The following ODC1 variants were observed in gnomAD, a reference collection of about 807,000 sequenced individuals.
The protein encoded by ODC1 is ornithine decarboxylase.
ODC1 carries 18 observed loss-of-function variants against 41.5 expected under a neutral mutation model. That is an observed-to-expected ratio of 0.43 (90% confidence interval 0.30 to 0.64). The LOEUF (loss-of-function observed/expected upper bound fraction) is 0.64. Ranked by LOEUF, ODC1 falls within the 30% of genes least tolerant of loss-of-function variation. The probability of loss-of-function intolerance (pLI) is 0.11; values close to 1 mark genes in which losing one functional copy is unlikely to be tolerated. For missense variants in ODC1, 504 were observed against 589.0 expected, an observed-to-expected ratio of 0.86 and a Z score of 1.49; for synonymous variants, 218 against 211.6, an observed-to-expected ratio of 1.03 and a Z score of -0.26.
At position 10,443,291 on chromosome 2, in the gene ODC1, T is replaced by A; in HGVS notation, c.689A>T (p.Tyr230Phe). The change falls in exon 8 of 12, where the codon TAT becomes TTT. Residue 230 changes from tyrosine (Y) to phenylalanine (F), a missense_variant. Tyr to Phe is a conservative substitution (Grantham distance 22). Around this residue, in one of 3 missense-constraint regions of ODC1, gnomAD observed 447 missense variants for 524.4 expected, o/e 0.85. Coordinates refer to ENST00000234111, the MANE Select transcript of ODC1 (RefSeq NM_002539.3). ...DMGAEVGFSM[Y>F]LLDIGGGFPG... is the part of the protein sequence containing the mutation. ...AAAGCCACCGCCAATATCAAGCAGATACATGCTGAAACCAACCTCAGCCTA... is the reference window on the plus strand; with the variant it reads ...AAAGCCACCGCCAATATCAAGCAGAAACATGCTGAAACCAACCTCAGCCTA... 6.2e-7 allele frequency: 1 copy of A among 1,611,688 alleles called. No individual in the cohort carries two copies. The highest frequency in any genetic ancestry group is 8.5e-7 in the Non-Finnish European group (1 of 1,179,478).
chr2:10,442,071 G>C lies in ODC1; in HGVS notation c.854C>G (p.Thr285Arg), dbSNP rs753371717. The change falls in exon 9 of 12, where the codon ACG becomes AGG. Residue 285 changes from threonine to arginine, a missense_variant. By Grantham distance (71) the Thr-to-Arg change is moderately conservative. Coordinates refer to ENST00000234111, the MANE Select transcript of ODC1 (RefSeq NM_002539.3). ...PGRYYVASAF[T>R]LAVNIIAKKI... ...CTTGGCAATGATATTAACTGCAAGC[G>C]TGAAAGCTGATGCAACATAGTATCT... 2 of 1,613,958 alleles carry C rather than the reference G, an allele frequency of 1.2e-6. No individual in the cohort carries two copies. Among genetic ancestry groups the C allele is most frequent in the East Asian group, 2.2e-5 (1 of 44,898 alleles).
rs28362402 is a variant in ODC1, at chr2:10,443,583, TAA to T, written c.585-14_585-13del. 9,789 of 1,612,104 alleles carry T rather than the reference TAA, an allele frequency of 6.1e-3. 523 individuals carry two copies. In the African/African-American group the frequency reaches 0.11, roughly 18 times the overall value. On this transcript the variant is annotated splice_polypyrimidine_tract_variant and intron_variant, in intron 6 of 11. Coordinates refer to ENST00000234111, the MANE Select transcript of ODC1 (RefSeq NM_002539.3). ...TTCCTACATGGAAGCTGGGGTAAAATAAAGAGACGAGACACTGTGTCTTAGTA... is the reference window on the plus strand; with the variant it reads ...TTCCTACATGGAAGCTGGGGTAAAATAGAGACGAGACACTGTGTCTTAGTA...
At chr2:10,444,367 G>C in intron 4 of ODC1, 100 bp from the exon 5 acceptor site, 1 of 1,503,934 alleles carries the variant, frequency 6.6e-7, no homozygotes, top group Non-Finnish European at 8.9e-7. Flanking sequence ...CGCCCCATTT[G>C]CCTTTAGTGA....
At chr2:10,444,756 T>C in intron 3 of ODC1, 109 bp from the exon 4 acceptor site, 3 of 990,556 alleles carry the variant, frequency 3.0e-6, no homozygotes, top group Non-Finnish European at 4.6e-6. Flanking sequence ...CTCTTTTGAG[T>C]CTAGCCACTG....
Position 10,440,829 on chromosome 2 carries a change from G to A in ODC1, c.1281C>T (p.Pro427=), listed in dbSNP as rs370233699. The change falls in exon 12 of 12, where the codon CCC becomes CCT. Residue 427 remains proline (P), a synonymous_variant. Coordinates refer to ENST00000234111, the MANE Select transcript of ODC1 (RefSeq NM_002539.3). ...TGCTGGCATCCTGTTCCTCTACTTCGGGTGGGAAGTCGGGGTTCTGGAATT... is the reference window on the plus strand; with the variant it reads ...TGCTGGCATCCTGTTCCTCTACTTCAGGTGGGAAGTCGGGGTTCTGGAATT... The part of the protein sequence containing the change: ...MQQFQNPDFP[P]EVEEQDASTL... 237 of 1,613,960 alleles carry A rather than the reference G, an allele frequency of 1.5e-4. No homozygotes were observed. Among genetic ancestry groups the A allele is most frequent in the Admixed American group, 2.5e-4 (15 of 60,000 alleles).
rs767199548 is a variant in ODC1, at chr2:10,442,052, A to G, written c.873T>C (p.Ile291=). The G allele has an allele frequency of 5.0e-6, 8 of 1,614,074 alleles. 1 individual carries two copies. In the South Asian group the frequency reaches 8.8e-5, roughly 18 times the overall value. ...ASAFTLAVNI[I]AKKIVLKEQT... Reference sequence around the variant, plus strand: ...GTTCCTTTAATACAATTTTCTTGGCAATGATATTAACTGCAAGCGTGAAAG... The same window carrying G: ...GTTCCTTTAATACAATTTTCTTGGCGATGATATTAACTGCAAGCGTGAAAG... Residue 291 remains isoleucine, a synonymous_variant, in exon 9 of 12, where the codon ATT becomes ATC. Coordinates refer to ENST00000234111, the MANE Select transcript of ODC1 (RefSeq NM_002539.3).
chr2:10,447,402 G>A (rs567307987), intron 1 of ODC1: 9 of 152,336 alleles, frequency 5.9e-5, no homozygotes, highest in African/African-American at 2.2e-4. Context: ...ACATTCCTGA[G>A]AGGTTCTGCC....
chr2:10,441,015 G>A (rs1250136351), intron 11 of ODC1, 147 bp from the exon 12 acceptor site: 2 of 938,052 alleles, frequency 2.1e-6, no homozygotes, highest in Non-Finnish European at 3.1e-6. Context: ...GGAATACAAT[G>A]GTGCTATCAT....
Position 10,441,621 on chromosome 2 carries a change from C to T in ODC1, c.1129G>A (p.Val377Met), listed in dbSNP as rs1671821404. Residue 377 changes from valine (V) to methionine (M), a missense_variant, in exon 11 of 12, where the codon GTG (valine) becomes ATG (methionine). Val to Met is a conservative substitution (Grantham distance 21). Coordinates refer to ENST00000234111, the MANE Select transcript of ODC1 (RefSeq NM_002539.3). ...TTTTCAAAGAGCATCCAATCACCCA[C>T]ATGCATTTCAGGCAGGTCACAGCGC... ...VERCDLPEMH[V>M]GDWMLFENMG... The T allele has an allele frequency of 6.2e-7, 1 of 1,614,228 alleles. No homozygotes were observed. Among genetic ancestry groups the T allele is most frequent in the East Asian group, 2.2e-5 (1 of 44,886 alleles).
In ODC1 at chr2:10,440,750, A is replaced by G; in HGVS notation, c.1360T>C (p.Cys454Arg). The G allele has an allele frequency of 6.2e-7, 1 of 1,614,104 alleles. No homozygotes were observed. The highest frequency in any genetic ancestry group is 8.5e-7 in the Non-Finnish European group (1 of 1,179,972). ...ESGMKRHRAA[C>R]ASASINV ...TACACATTAATACTAGCCGAAGCAC[A>G]GGCTGCTCTGTGGCGTTTCATCCCA... The change falls in exon 12 of 12, where the codon TGT (cysteine) becomes CGT (arginine). Residue 454 changes from cysteine (C) to arginine (R), a missense_variant. By Grantham distance (180) the Cys-to-Arg change is radical (BLOSUM62 -3). This residue lies in a region of ODC1 where 447 missense variants were observed against 524.4 expected (regional missense o/e 0.85). Coordinates refer to ENST00000234111, the MANE Select transcript of ODC1 (RefSeq NM_002539.3).
rs372516888 is a variant in ODC1, at chr2:10,440,702, T to G, written c.*22A>C. 10 of 1,604,610 alleles carry G rather than the reference T, an allele frequency of 6.2e-6. No individual in the cohort carries two copies. The highest frequency in any genetic ancestry group is 1.3e-5 in the African/African-American group (1 of 74,534). The stretch of plus-strand genomic sequence containing the variant: ...CCCTTAATTCAAGCTAAACTTGCAG[T>G]TAACAGCTACCAGAGTGCTATCTAC... On this transcript the variant is annotated 3_prime_UTR_variant, in exon 12 of 12. Coordinates refer to ENST00000234111, the MANE Select transcript of ODC1 (RefSeq NM_002539.3).
chr2:10,444,624 C>T lies in ODC1; in HGVS notation c.126G>A (p.Val42=), dbSNP rs1045979717. 5.0e-6 allele frequency: 8 copies of T among 1,613,328 alleles called. No individual in the cohort carries two copies. The highest frequency in any genetic ancestry group is 6.8e-6 in the Non-Finnish European group (8 of 1,179,674). The change falls in exon 4 of 12, where the codon GTG becomes GTA. Residue 42 remains valine (V), a synonymous_variant. Transcript: ENST00000234111. ...SSSDDKDAFY[V]ADLGDILKKH... ...TCTTTAGAATGTCTCCCAGGTCTGC[C>T]ACATAGAAGGCATCCTTATCATCCT...
intron 9 of ODC1, 34 bp downstream of exon 9, chr2:10,441,978 G>A: frequency 1.2e-6 from 2 of 1,613,134 alleles, no homozygotes; most frequent in Non-Finnish European, 1.7e-6. Context: ...TCAGCTTTCA[G>A]TTATACATGA....
At chr2:10,441,016 G>A in intron 11 of ODC1, 148 bp from the exon 12 acceptor site, 1 of 930,066 alleles carries the variant, frequency 1.1e-6, no homozygotes, top group African/African-American at 1.7e-5. Context: ...GAATACAATG[G>A]TGCTATCATA....
At chr2:10,443,630 A>G in intron 6 of ODC1, 59 bp from the exon 7 acceptor site, 1 of 1,605,644 alleles carries the variant, frequency 6.2e-7, no homozygotes, top group Non-Finnish European at 8.5e-7. Flanking sequence ...ATAATAGCAA[A>G]CACTAGGAGA....
At position 10,444,979 on chromosome 2, in the gene ODC1, A is replaced by C; in HGVS notation, c.54T>G (p.Phe18Leu). 1.2e-6 allele frequency: 2 copies of C among 1,613,940 alleles called. No individual in the cohort carries two copies. The highest frequency in any genetic ancestry group is 1.7e-6 in the Non-Finnish European group (2 of 1,179,782). The change falls in exon 3 of 12, where the codon TTT becomes TTG. Residue 18 changes from phenylalanine to leucine, a missense_variant. By Grantham distance (22) the Phe-to-Leu change is conservative. Transcript: ENST00000234111. ...TCTGGTCCAGAATGTCCTTGGCAGT[A>C]AAACCTTCATCGAGGAAGTGGCAGT... ...EFDCHFLDEG[F>L]TAKDILDQKI...
At chr2:10,445,089 C>T in intron 2 of ODC1, 40 bp from the exon 3 acceptor site, 2 of 1,021,674 alleles carry the variant, frequency 2.0e-6, no homozygotes, top group East Asian at 2.4e-5. Flanking sequence ...GAGAAATTCA[C>T]TTAGAAGCCT....
At position 10,445,362 on chromosome 2, in the gene ODC1, G is replaced by A. The variant is rs1248870084; in HGVS notation, c.-127-98C>T. On this transcript the variant is annotated intron_variant, in intron 1 of 11. Coordinates refer to ENST00000234111, the MANE Select transcript of ODC1 (RefSeq NM_002539.3). ...CACACGCAGAGCTAATCATGCCCCG[G>A]ATATGAACCACTCACTGGCCTGGTC... is the stretch of plus-strand genomic sequence containing the variant. 1.1e-5 allele frequency: 3 copies of A among 276,074 alleles called. No homozygotes were observed. In the East Asian group the frequency reaches 3.0e-4, roughly 27 times the overall value. 17.1% of individuals were successfully genotyped at this position (276,074 alleles called of 1,614,324 possible).
At chr2:10,444,357 C>G (rs976682068) in intron 4 of ODC1, 90 bp from the exon 5 acceptor site, 85 of 1,507,060 alleles carry the variant, frequency 5.6e-5, no homozygotes, top group Admixed American at 6.4e-5. Flanking sequence ...TGTACCCCCC[C>G]GCCCCATTTG....
Sources: gnomAD v4.1 joint callset for allele counts on GRCh38, gnomAD v4.1.1 for gene constraint, gnomAD v4.1.1 regional missense constraint, MANE v1.5 for transcripts, NCBI Gene and HGNC (gene_info 2026-07-23, HGNC 2026-07-21) for gene names.